The following IL1RAPL2 variants were observed in gnomAD, a reference collection of about 807,000 sequenced individuals.
The protein encoded by IL1RAPL2 is interleukin 1 receptor accessory protein like 2.
A neutral mutation model predicts 44.1 loss-of-function variants in IL1RAPL2; 3 were observed. That is an observed-to-expected ratio of 0.07 (90% CI 0.03 to 0.18). IL1RAPL2 has a LOEUF of 0.18. IL1RAPL2 is among the 10% of genes least tolerant of loss of function. The pLI, the probability that IL1RAPL2 is intolerant of heterozygous loss-of-function variation, is 1.00. For missense variants in IL1RAPL2, 391 were observed against 496.4 expected (o/e 0.79, Z 2.02); for synonymous variants, 181 against 178.8 (o/e 1.01, Z -0.10).
At chrX:105,200,130 T>G (rs2033704665) in intron 3 of IL1RAPL2, among the ~76,000 whole-genome samples, 1 of 112,063 alleles carries the variant, frequency 8.9e-6, no homozygotes, top group Non-Finnish European at 1.9e-5. Flanking sequence ...TCCAGTTAGA[T>G]ACCACTTTAA....
At chrX:105,012,037 A>G (rs2031057418) in intron 2 of IL1RAPL2, among the ~76,000 whole-genome samples, 1 of 111,411 alleles carries the variant, frequency 9.0e-6, no homozygotes, top group Non-Finnish European at 1.9e-5. Flanking sequence ...ATCACAGGAT[A>G]GATCATTTAA....
intron 2 of IL1RAPL2, among the ~76,000 whole-genome samples, chrX:104,966,046 G>A (rs972011107): frequency 9.0e-5 from 10 of 111,311 alleles, no homozygotes; most frequent in Non-Finnish European, 1.5e-4. Context: ...TTCAGAGTCA[G>A]GATGCATAAT....
chrX:105,093,875 A>C (rs1018666659), intron 2 of IL1RAPL2, among the ~76,000 whole-genome samples: 2 of 111,612 alleles, frequency 1.8e-5, no homozygotes. Context: ...CACTTGTATA[A>C]TTGATGCTAA....
At chrX:105,250,566 G>GA (rs984563860) in intron 4 of IL1RAPL2, among the ~76,000 whole-genome samples, 18 of 108,495 alleles carry the variant, frequency 1.7e-4, no homozygotes, top group African/African-American at 6.0e-4. Flanking sequence ...TATTAATTAA[G>GA]AAAAAAAACA....
intron 1 of IL1RAPL2, among the ~76,000 whole-genome samples, chrX:104,623,775 C>A (rs1024665109): frequency 1.8e-5 from 2 of 111,989 alleles, no homozygotes; most frequent in Non-Finnish European, 3.8e-5. Flanking sequence ...GCCAAGTCAT[C>A]TGAAGGATGA....
chrX:105,542,668 CT>C (rs1158618358), intron 6 of IL1RAPL2, among the ~76,000 whole-genome samples: 5,468 of 96,330 alleles, frequency 0.057, 347 homozygotes, highest in African/African-American at 0.19. Flanking sequence ...AATAGATTCT[CT>C]TTTTTTTTTA....
chrX:104,707,153 A>T (rs772853513), intron 2 of IL1RAPL2, among the ~76,000 whole-genome samples: 1 of 111,471 alleles, frequency 9.0e-6, no homozygotes, highest in East Asian at 2.8e-4. Context: ...ACTTTGGCAG[A>T]TATCACCGAA....
At chrX:104,840,790 T>C (rs1162246382) in intron 2 of IL1RAPL2, among the ~76,000 whole-genome samples, 1 of 110,272 alleles carries the variant, frequency 9.1e-6, no homozygotes, top group African/African-American at 3.3e-5. Flanking sequence ...TTTTCCTGCC[T>C]CAGCCTCCCG....
chrX:105,205,566 G>A (rs782507633), intron 3 of IL1RAPL2, among the ~76,000 whole-genome samples: 8 of 78,266 alleles, frequency 1.0e-4, no homozygotes, highest in African/African-American at 2.9e-4. Context: ...CTCCAGCCTC[G>A]GCGACAGAGC....
At chrX:105,119,193 TGAGG>T (rs1368319827) in intron 2 of IL1RAPL2, among the ~76,000 whole-genome samples, 1 of 111,452 alleles carries the variant, frequency 9.0e-6, no homozygotes, top group Non-Finnish European at 1.9e-5. Flanking sequence ...TTTTTTTTAA[TGAGG>T]GAGCAAGCAT....
At chrX:104,639,401 G>T (rs977599754) in intron 1 of IL1RAPL2, among the ~76,000 whole-genome samples, 3 of 111,797 alleles carry the variant, frequency 2.7e-5, no homozygotes, top group African/African-American at 9.7e-5. Context: ...CATTTAACTG[G>T]AAAGCTTCAT....
At chrX:104,761,382 C>T (rs1251409368) in intron 2 of IL1RAPL2, among the ~76,000 whole-genome samples, 2 of 110,564 alleles carry the variant, frequency 1.8e-5, no homozygotes, top group African/African-American at 6.6e-5. Context: ...GGGTAACAGC[C>T]CCCATGATTT....
At chrX:104,969,912 G>GT (rs1005382093) in intron 2 of IL1RAPL2, among the ~76,000 whole-genome samples, 92 of 107,561 alleles carry the variant, frequency 8.6e-4, no homozygotes, top group East Asian at 5.9e-3. Flanking sequence ...TCATACACTA[G>GT]TTTTTTTTTT....
At chrX:104,615,386 AC>A (rs1404847498) in intron 1 of IL1RAPL2, among the ~76,000 whole-genome samples, 1 of 49,020 alleles carries the variant, frequency 2.0e-5, no homozygotes, top group African/African-American at 7.7e-5. Flanking sequence ...CCCCAACCCC[AC>A]CCCCCAACAG....
intron 5 of IL1RAPL2, among the ~76,000 whole-genome samples, chrX:105,357,741 A>T (rs1044635306): frequency 6.3e-5 from 7 of 110,968 alleles, no homozygotes; most frequent in African/African-American, 2.3e-4. Context: ...TTTCAAATTC[A>T]TTCACAGACA....
intron 6 of IL1RAPL2, among the ~76,000 whole-genome samples, chrX:105,632,160 C>T (rs1456170995): frequency 9.0e-6 from 1 of 111,100 alleles, no homozygotes; most frequent in African/African-American, 3.3e-5. Context: ...GGACCCTGAC[C>T]TTCAGGATGG....
At chrX:105,335,908 C>G (rs932737931) in intron 5 of IL1RAPL2, among the ~76,000 whole-genome samples, 1 of 111,799 alleles carries the variant, frequency 8.9e-6, no homozygotes, top group Non-Finnish European at 1.9e-5. Context: ...AAATTAATGT[C>G]CTTAGCTTTC....
chrX:105,511,767 A>C (rs1441713724), intron 6 of IL1RAPL2, among the ~76,000 whole-genome samples: 1 of 112,028 alleles, frequency 8.9e-6, no homozygotes, highest in African/African-American at 3.2e-5. Flanking sequence ...GCAGGAGACT[A>C]TCTCTCCCAT....
chrX:105,615,354 A>G (rs778554397), intron 6 of IL1RAPL2, among the ~76,000 whole-genome samples: 1 of 112,094 alleles, frequency 8.9e-6, no homozygotes, highest in South Asian at 3.7e-4. Context: ...AAATAAAATC[A>G]GTATATCAAA....
Sources: allele counts gnomAD v4.1 joint callset (sites outside exome capture counted in the v4.1 genomes callset), GRCh38; gene constraint gnomAD v4.1.1; transcripts MANE v1.5; gene names NCBI Gene and HGNC (gene_info 2026-07-23, HGNC 2026-07-21).